The following VPS13A variants were observed in gnomAD, a reference collection of about 807,000 sequenced individuals.
VPS13A encodes the protein vacuolar protein sorting 13 homolog A, also known as intermembrane lipid transfer protein VPS13A.
In VPS13A, 264 loss-of-function variants were observed where a neutral mutation model predicts 390.9. The ratio of observed to expected loss-of-function variants is 0.68; its 90% CI spans 0.61 to 0.75. The LOEUF (loss-of-function observed/expected upper bound fraction) is 0.75. VPS13A is among the 30% of genes least tolerant of loss of function. VPS13A has a pLI of 0.00. For missense variants in VPS13A, 3,409 were observed against 3,733.9 expected (o/e 0.91, Z 2.27); for synonymous variants, 1,231 against 1,227.1 (o/e 1.00, Z -0.07).
intron 59 of VPS13A, among the ~76,000 whole-genome samples, chr9:77,362,856 T>C (rs1202828391): frequency 6.6e-6 from 1 of 151,670 alleles, no homozygotes; most frequent in Non-Finnish European, 1.5e-5. Context: ...TCCTATGTAT[T>C]ATATTCTTCT....
chr9:77,295,872 G>T, intron 33 of VPS13A, 26 bp downstream of exon 33: 3 of 1,609,326 alleles, frequency 1.9e-6, no homozygotes, highest in Non-Finnish European at 2.5e-6. Flanking sequence ...GTATATTTGT[G>T]TGGAATGCAA....
chr9:77,384,790 T>G, intron 68 of VPS13A: 1 of 1,500,936 alleles, frequency 6.7e-7, no homozygotes, highest in Non-Finnish European at 8.8e-7. Context: ...ACACATTTTC[T>G]TTTAAAATGT....
chr9:77,309,393 G>A (rs1276524799), intron 35 of VPS13A, among the ~76,000 whole-genome samples: 2 of 152,136 alleles, frequency 1.3e-5, no homozygotes, highest in African/African-American at 2.4e-5. Flanking sequence ...GGAAATGGAA[G>A]GCAATTCTTT....
chr9:77,336,169 C>G (rs1418823362), intron 46 of VPS13A, among the ~76,000 whole-genome samples: 1 of 152,068 alleles, frequency 6.6e-6, no homozygotes, highest in Non-Finnish European at 1.5e-5. Context: ...CACATGGACA[C>G]AGGGAGGGGA....
chr9:77,253,964 A>C (rs1224706923), intron 22 of VPS13A, among the ~76,000 whole-genome samples: 14 of 47,590 alleles, frequency 2.9e-4, no homozygotes, highest in African/African-American at 1.3e-3. Context: ...TTTTTTTTTG[A>C]GACAGAGTCT....
Position 77,317,676 on chromosome 9 carries a change from C to T in VPS13A, c.4934C>T (p.Ser1645Leu), listed in dbSNP as rs772836947. The change falls in exon 40 of 72, where the codon TCA becomes TTA. Residue 1645 changes from serine (S) to leucine (L), a missense_variant. Coordinates refer to ENST00000360280, the MANE Select transcript of VPS13A (RefSeq NM_033305.3). ...KGTDPQVIDM[S>L]VKSLTLKVSP... The stretch of plus-strand genomic sequence containing the variant: ...ACAGATCCACAAGTGATCGATATGT[C>T]AGTAAAATCCCTGACACTAAAGGTA... 5.6e-6 allele frequency: 9 copies of T among 1,597,164 alleles called. No individual in the cohort carries two copies. The highest frequency in any genetic ancestry group is 1.3e-5 in the African/African-American group (1 of 74,604).
rs1204804872 is a variant in VPS13A, at chr9:77,321,617, A to G, written c.5701A>G (p.Ile1901Val). ...SPSDSFSVLNIPMAKSYVLKN... is the reference protein window; with the variant it reads ...SPSDSFSVLNVPMAKSYVLKN... ...AAGTGATTCTTTTAGTGTACTCAAC[A>G]TTCCTATGGCAAAATCATATGTATT... Residue 1901 changes from isoleucine (I) to valine (V), a missense_variant, in exon 44 of 72, where the codon ATT becomes GTT. Ile to Val is a conservative substitution (Grantham distance 29). This residue lies in a region of VPS13A where 2,717 missense variants were observed against 2,917.4 expected (regional missense o/e 0.93). Coordinates refer to ENST00000360280, the MANE Select transcript of VPS13A (RefSeq NM_033305.3). 6.2e-7 allele frequency: 1 copy of G among 1,613,318 alleles called. No homozygotes were observed. The highest frequency in any genetic ancestry group is 8.5e-7 in the Non-Finnish European group (1 of 1,179,620).
chr9:77,254,577 G>A (rs910804921), intron 22 of VPS13A, among the ~76,000 whole-genome samples: 1 of 152,126 alleles, frequency 6.6e-6, no homozygotes, highest in Admixed American at 6.5e-5. Flanking sequence ...ATGTTATAGA[G>A]ATTCTAACAA....
At chr9:77,336,528 AT>A (rs1187702689) in intron 46 of VPS13A, among the ~76,000 whole-genome samples, 2 of 151,750 alleles carry the variant, frequency 1.3e-5, no homozygotes, top group African/African-American at 2.4e-5. Context: ...TTCAATAGTA[AT>A]TTTTTTTAGT....
intron 1 of VPS13A, chr9:77,178,220 T>C (rs1823768431): frequency 1.1e-5 from 2 of 183,738 alleles, no homozygotes; most frequent in Non-Finnish European, 2.3e-5. Flanking sequence ...CCCCCCTGGG[T>C]TTATGACGAA....
chr9:77,333,096 G>T (rs184024470), intron 46 of VPS13A, among the ~76,000 whole-genome samples: 155 of 152,268 alleles, frequency 1.0e-3, no homozygotes, highest in Non-Finnish European at 2.0e-3. Flanking sequence ...AGGATTTGGG[G>T]TGGGTTACAA....
chr9:77,320,913 T>G (rs1219288783), intron 42 of VPS13A, among the ~76,000 whole-genome samples: 1 of 152,106 alleles, frequency 6.6e-6, no homozygotes, highest in African/African-American at 2.4e-5. Context: ...ATAGTAATTT[T>G]AGGTTTTTAT....
intron 17 of VPS13A, among the ~76,000 whole-genome samples, chr9:77,233,411 C>A (rs1209544121): frequency 6.6e-6 from 1 of 151,864 alleles, no homozygotes; most frequent in Admixed American, 6.6e-5. Flanking sequence ...TTTGTCTCCA[C>A]TCTGACATGT....
chr9:77,226,867 TC>T (rs906370517), intron 15 of VPS13A, among the ~76,000 whole-genome samples: 9 of 152,094 alleles, frequency 5.9e-5, no homozygotes, highest in Non-Finnish European at 8.8e-5. Flanking sequence ...AAATAAAAAT[TC>T]CAAAGTGTTC....
Position 77,318,431 on chromosome 9 carries a change from A to G in VPS13A, c.5153A>G (p.Lys1718Arg). The change falls in exon 41 of 72, where the codon AAA (lysine) becomes AGA (arginine). Residue 1718 changes from lysine (K) to arginine (R), a missense_variant. Physicochemically the swap from Lys to Arg is conservative, Grantham distance 26 (BLOSUM62 2). This residue lies in a region of VPS13A where 2,717 missense variants were observed against 2,917.4 expected (regional missense o/e 0.93). Transcript: ENST00000360280. ...KIAPTTELVPKGEMIKMNIDS... is the reference protein window; with the variant it reads ...KIAPTTELVPRGEMIKMNIDS... ...GCTCCCACAACTGAATTGGTACCCAAAGGCGAGATGATAAAAATGAACATT... is the reference window on the plus strand; with the variant it reads ...GCTCCCACAACTGAATTGGTACCCAGAGGCGAGATGATAAAAATGAACATT... 6.2e-7 allele frequency: 1 copy of G among 1,613,876 alleles called. No individual in the cohort carries two copies.
At position 77,228,135 on chromosome 9, in the gene VPS13A, A is replaced by G. The variant is rs1178651729; in HGVS notation, c.1466A>G (p.Lys489Arg). The change falls in exon 17 of 72, where the codon AAG (lysine) becomes AGG (arginine). Residue 489 changes from lysine (K) to arginine (R), a missense_variant. Lys to Arg is a conservative substitution (Grantham distance 26, BLOSUM62 2). Coordinates refer to ENST00000360280, the MANE Select transcript of VPS13A (RefSeq NM_033305.3). Reference protein sequence around the residue: ...PTLLKTFEALKFFVHLKSMSI... With the variant: ...PTLLKTFEALRFFVHLKSMSI... ...AATATACCTTAGTTTGAAGCCTTGA[A>G]GTTTTTTGTCCACTTGAAAAGTATG... The G allele has an allele frequency of 1.9e-6, 3 of 1,600,866 alleles. No individual in the cohort carries two copies. Among genetic ancestry groups the G allele is most frequent in the Non-Finnish European group, 2.6e-6 (3 of 1,172,998 alleles).
At chr9:77,366,406 G>C (rs1832433184) in intron 60 of VPS13A, among the ~76,000 whole-genome samples, 1 of 152,064 alleles carries the variant, frequency 6.6e-6, no homozygotes, top group Non-Finnish European at 1.5e-5. Context: ...ATATGTATTT[G>C]AGTCATTTTC....
chr9:77,317,533 C>A, intron 39 of VPS13A, 73 bp from the exon 40 acceptor site: 1 of 1,162,712 alleles, frequency 8.6e-7, no homozygotes, highest in South Asian at 1.5e-5. Flanking sequence ...ATACCTATTA[C>A]TAGGAAAGTC....
chr9:77,327,979 A>G (rs1331904435), intron 45 of VPS13A, among the ~76,000 whole-genome samples: 2 of 152,178 alleles, frequency 1.3e-5, no homozygotes, highest in Non-Finnish European at 2.9e-5. Flanking sequence ...CTTTGCCCAG[A>G]TCCATCAGAG....
Sources: allele counts gnomAD v4.1 joint callset (sites outside exome capture counted in the v4.1 genomes callset), GRCh38; gene constraint gnomAD v4.1.1; regional missense constraint gnomAD v4.1.1; transcripts MANE v1.5; gene names NCBI Gene and HGNC (gene_info 2026-07-23, HGNC 2026-07-21).